Variants in PCDHA4 observed in about 807,000 individuals in gnomAD.
The protein encoded by PCDHA4 is protocadherin alpha 4.
In PCDHA4, 49 loss-of-function variants were observed where a neutral mutation model predicts 61.4. That is an observed-to-expected ratio of 0.80 (90% CI 0.63 to 1.01). The LOEUF (loss-of-function observed/expected upper bound fraction) is 1.01, where lower values mean the gene tolerates loss of function less well. Among genes scored for constraint, PCDHA4 ranks in the 50% least tolerant of loss-of-function variants. The pLI is 0.00. For missense variants in PCDHA4, 1,254 were observed against 1,235.8 expected, an observed-to-expected ratio of 1.01 and a Z score of -0.22; for synonymous variants, 590 against 550.3, an observed-to-expected ratio of 1.07 and a Z score of -1.01.
At chr5:140,896,022 GC>G (rs2065315462) in intron 1 of PCDHA4, among the ~76,000 whole-genome samples, 3 of 152,138 alleles carry the variant, frequency 2.0e-5, no homozygotes, top group Admixed American at 1.3e-4. Context: ...TGTTGGCCAG[GC>G]TGGTCTCGAA....
At chr5:140,969,224 T>A (rs782172299) in intron 1 of PCDHA4, 1 of 1,614,100 alleles carries the variant, frequency 6.2e-7, no homozygotes, top group East Asian at 2.2e-5. Context: ...ACCAGGGCCT[T>A]CGGGAGCCCA....
chr5:140,812,904 C>A (rs995025356), intron 1 of PCDHA4: 1 of 152,164 alleles, frequency 6.6e-6, no homozygotes, highest in African/African-American at 2.4e-5. Context: ...AACAGAATTT[C>A]GTTCAAAATT....
intron 1 of PCDHA4, chr5:140,847,826 A>T (rs914616937): frequency 6.7e-6 from 1 of 149,784 alleles, no homozygotes; most frequent in Non-Finnish European, 1.5e-5. Flanking sequence ...TACTCAAGAA[A>T]ACTACCTCAG....
chr5:140,884,054 G>C (rs1313975286), intron 1 of PCDHA4: 8 of 1,613,390 alleles, frequency 5.0e-6, no homozygotes, highest in Non-Finnish European at 4.2e-6. Context: ...GAAGGTGCGC[G>C]CGGTGGACGC....
chr5:140,867,751 T>C (rs1280399942), intron 1 of PCDHA4: 2 of 152,116 alleles, frequency 1.3e-5, no homozygotes, highest in Non-Finnish European at 2.9e-5. Context: ...AGTTACAACT[T>C]CAGGCAAAGA....
intron 1 of PCDHA4, among the ~76,000 whole-genome samples, chr5:140,881,872 A>C (rs907896928): frequency 6.6e-6 from 1 of 152,240 alleles, no homozygotes; most frequent in South Asian, 2.1e-4. Context: ...TTGTGGCAAA[A>C]TGAAACTCAT....
At chr5:140,927,854 C>T (rs1047804872) in intron 1 of PCDHA4, 1 of 1,614,222 alleles carries the variant, frequency 6.2e-7, no homozygotes, top group South Asian at 1.1e-5. Flanking sequence ...TTTGGTTTAG[C>T]TAGCACCGCT....
chr5:140,884,489 T>G, intron 1 of PCDHA4: 1 of 1,613,936 alleles, frequency 6.2e-7, no homozygotes, highest in East Asian at 2.2e-5. Flanking sequence ...CACTCTAGTG[T>G]GCTCCAGCGC....
At chr5:140,910,197 T>C (rs1318749477) in intron 1 of PCDHA4, among the ~76,000 whole-genome samples, 1 of 152,202 alleles carries the variant, frequency 6.6e-6, no homozygotes, top group African/African-American at 2.4e-5. Context: ...TAGTCTTTTG[T>C]CCACTTGACC....
rs189901944 is a variant in PCDHA4, at chr5:140,916,206, G to A, written c.2386-62743G>A. 4.6e-3 allele frequency among the ~76,000 whole-genome samples: 705 copies of A among 152,282 alleles called. 3 individuals carry two copies. The highest frequency in any genetic ancestry group is 0.016 in the African/African-American group (682 of 41,562). ...AGGAAGTGGGCACCCCTCTGCCCTG[G>A]GGAAGATCCAAATATGCTTTCCAGG... On this transcript the variant is annotated intron_variant, in intron 1 of 3. Transcript: ENST00000530339.
chr5:140,893,778 A>G (rs1017243223), intron 1 of PCDHA4, among the ~76,000 whole-genome samples: 2 of 151,936 alleles, frequency 1.3e-5, no homozygotes, highest in South Asian at 4.2e-4. Flanking sequence ...CTTTTCTTTT[A>G]CCGTTTTTAG....
intron 1 of PCDHA4, among the ~76,000 whole-genome samples, chr5:140,921,145 T>G (rs2080047732): frequency 4.1e-5 from 1 of 24,298 alleles, no homozygotes; most frequent in Admixed American, 5.4e-4. Flanking sequence ...TACACCCAGC[T>G]AATGCATTTT....
At chr5:140,938,214 G>C (rs2091981626) in intron 1 of PCDHA4, among the ~76,000 whole-genome samples, 1 of 152,148 alleles carries the variant, frequency 6.6e-6, no homozygotes, top group Non-Finnish European at 1.5e-5. Context: ...CCAAAGTGCT[G>C]GGATTACAGG....
intron 1 of PCDHA4, among the ~76,000 whole-genome samples, chr5:140,886,605 A>C (rs998772471): frequency 2.6e-5 from 4 of 152,108 alleles, no homozygotes; most frequent in Admixed American, 6.5e-5. Flanking sequence ...AGGTGGGCGG[A>C]TCAGGAGATC....
At chr5:140,844,413 A>G (rs1581068328) in intron 1 of PCDHA4, among the ~76,000 whole-genome samples, 1 of 149,462 alleles carries the variant, frequency 6.7e-6, no homozygotes, top group East Asian at 1.9e-4. Flanking sequence ...ATTTGGAGAC[A>G]TGTTTTTTAT....
At position 140,809,321 on chromosome 5, in the gene PCDHA4, G is replaced by T. The variant is rs1169021514; in HGVS notation, c.2134G>T (p.Val712Leu). The T allele has an allele frequency of 2.5e-6, 4 of 1,614,100 alleles. No individual in the cohort carries two copies. Among genetic ancestry groups the T allele is most frequent in the Non-Finnish European group, 3.4e-6 (4 of 1,179,944 alleles). Reference protein sequence around the residue: ...IAICAVSSLLVLTLLLYTALR... With the variant: ...IAICAVSSLLLLTLLLYTALR... ...CATCTGCGCGGTGTCCAGCCTTTTG[G>T]TGCTCACGCTGCTGCTGTACACCGC... Residue 712 changes from valine to leucine, a missense_variant, in exon 1 of 4, where the codon GTG becomes TTG. Physicochemically the swap from Val to Leu is conservative, Grantham distance 32 (BLOSUM62 1). Coordinates refer to ENST00000530339, the MANE Select transcript of PCDHA4 (RefSeq NM_018907.4).
At chr5:140,854,340 A>G in intron 1 of PCDHA4, 1 of 189,954 alleles carries the variant, frequency 5.3e-6, no homozygotes, top group Non-Finnish European at 9.6e-6. Context: ...TTTACGCTCC[A>G]GATAGCTAAA....
At chr5:140,884,221 G>A in intron 1 of PCDHA4, 1 of 1,613,488 alleles carries the variant, frequency 6.2e-7, no homozygotes, top group East Asian at 2.2e-5. Context: ...TGGTGCTGGT[G>A]AAGGACCACG....
intron 1 of PCDHA4, among the ~76,000 whole-genome samples, chr5:140,817,888 A>G (rs186786507): frequency 3.3e-5 from 5 of 152,342 alleles, no homozygotes; most frequent in Admixed American, 3.3e-4. Context: ...TATTTTTGCC[A>G]GCACTTTTAA....
Sources: allele counts gnomAD v4.1 joint callset (sites outside exome capture counted in the v4.1 genomes callset), GRCh38; gene constraint gnomAD v4.1.1; transcripts MANE v1.5; gene names NCBI Gene and HGNC (gene_info 2026-07-23, HGNC 2026-07-21).